Variants in NECAP1 observed in about 807,000 individuals in gnomAD.
NECAP1 encodes NECAP endocytosis associated 1.
NECAP1 carries 13 observed loss-of-function variants against 33.4 expected under a neutral mutation model. That is an observed-to-expected ratio of 0.39 (90% CI 0.25 to 0.62). The LOEUF (loss-of-function observed/expected upper bound fraction) is 0.62. NECAP1 is among the 20% of genes least tolerant of loss of function. NECAP1 has a pLI of 0.52. For missense variants in NECAP1, 272 were observed against 347.4 expected, an observed-to-expected ratio of 0.78 and a Z score of 1.73; for synonymous variants, 109 against 125.2, an observed-to-expected ratio of 0.87 and a Z score of 0.86.
At chr12:8,093,204 C>G (rs943437149) in intron 6 of NECAP1, 149 bp downstream of exon 6, 6 of 734,754 alleles carry the variant, frequency 8.2e-6, no homozygotes, top group African/African-American at 5.5e-5. Flanking sequence ...GGAATCAAAG[C>G]TTTTCTAGTG....
intron 3 of NECAP1, chr12:8,091,357 A>G (rs747845448): frequency 5.6e-6 from 1 of 177,746 alleles, no homozygotes; most frequent in South Asian, 1.1e-4. Flanking sequence ...TTATTATTAC[A>G]TTGTAATGTA....
Position 8,090,199 on chromosome 12 carries a change from G to C in NECAP1, c.201G>C (p.Glu67Asp), listed in dbSNP as rs778887604. 1 of 1,614,144 alleles carries C rather than the reference G, an allele frequency of 6.2e-7. No individual in the cohort carries two copies. The highest frequency in any genetic ancestry group is 8.5e-7 in the Non-Finnish European group (1 of 1,179,980). Residue 67 changes from glutamate (E) to aspartate (D), a missense_variant, in exon 3 of 8, where the codon GAG (glutamate) becomes GAC (aspartate). By Grantham distance (45) the Glu-to-Asp change is conservative. Coordinates refer to ENST00000339754, the MANE Select transcript of NECAP1 (RefSeq NM_015509.4). Reference sequence around the variant, plus strand: ...AGTCTTTCTCTTATCTGTCAGGGGAGCTCTTTGCTCAGGCACCAGTAGAAC... The same window carrying C: ...AGTCTTTCTCTTATCTGTCAGGGGACCTCTTTGCTCAGGCACCAGTAGAAC... ...YIKLEDKVSG[E>D]LFAQAPVEQY...
intron 1 of NECAP1, among the ~76,000 whole-genome samples, chr12:8,087,566 C>T (rs962385861): frequency 2.0e-5 from 3 of 148,380 alleles, no homozygotes; most frequent in African/African-American, 5.0e-5. Flanking sequence ...CCCTGTTGCT[C>T]AGGCTGGAGT....
intron 1 of NECAP1, 51 bp downstream of exon 1, chr12:8,082,434 G>A (rs1445753847): frequency 6.6e-7 from 1 of 1,520,440 alleles, no homozygotes; most frequent in Admixed American, 1.7e-5. Context: ...GCAGATGACA[G>A]CTTCCTTCTC....
chr12:8,094,332 T>C (rs1243617729), intron 6 of NECAP1, among the ~76,000 whole-genome samples: 1 of 152,228 alleles, frequency 6.6e-6, no homozygotes, highest in Non-Finnish European at 1.5e-5. Context: ...TGGTAATATT[T>C]TGTGGAACTA....
chr12:8,095,007 A>G (rs930965795), intron 6 of NECAP1, among the ~76,000 whole-genome samples: 1 of 152,172 alleles, frequency 6.6e-6, no homozygotes, highest in Non-Finnish European at 1.5e-5. Context: ...CCTTTGGGAC[A>G]GGCTTTTCCC....
chr12:8,090,352 A>T lies in NECAP1; in HGVS notation c.301+53A>T, dbSNP rs990455649. ...CGAAGTTAGGAAAACAGGTGAATGC[A>T]CAGCCATGAAAAGTGTTTCCGATTG... On this transcript the variant is annotated intron_variant, in intron 3 of 7. Coordinates refer to ENST00000339754, the MANE Select transcript of NECAP1 (RefSeq NM_015509.4). 4 of 1,450,162 alleles carry T rather than the reference A, an allele frequency of 2.8e-6. No homozygotes were observed. In the African/African-American group the frequency reaches 5.6e-5, roughly 20 times the overall value. The allele number at this position is 1,450,162 out of a possible 1,614,324, so 89.8% of individuals were successfully genotyped here. A position where few individuals can be genotyped will look rare whatever the true frequency, so the allele number is the denominator to read the frequency against.
rs149140958 is a variant in NECAP1, at chr12:8,085,208, C to T, written c.95+2825C>T. On this transcript the variant is annotated intron_variant, in intron 1 of 7. Transcript: ENST00000339754. ...CTAATTTTTGTATATTTAGTAGAGA[C>T]GGGGTTTCACTGTGTTGGCCAGGCT... 8.9e-3 allele frequency among the ~76,000 whole-genome samples: 1,359 copies of T among 152,170 alleles called. 21 individuals are homozygous for T. Among genetic ancestry groups the T allele is most frequent in the African/African-American group, 0.031 (1,284 of 41,518 alleles).
intron 1 of NECAP1, among the ~76,000 whole-genome samples, chr12:8,083,461 A>C (rs1334862926): frequency 1.1e-5 from 1 of 91,162 alleles, no homozygotes; most frequent in Non-Finnish European, 2.0e-5. Flanking sequence ...ATGTAGTCTC[A>C]CTTTGTTGCC....
Position 8,096,038 on chromosome 12 carries a change from G to A in NECAP1, c.780-4G>A. ...CTGGCTTTCTCTGTTCTCCTGTCTT[G>A]CAGCTCTGTTCCAAACCAGGCACCA... On this transcript the variant is annotated splice_region_variant and splice_polypyrimidine_tract_variant and intron_variant, in intron 7 of 7. Coordinates refer to ENST00000339754, the MANE Select transcript of NECAP1 (RefSeq NM_015509.4). 2 of 1,613,748 alleles carry A rather than the reference G, an allele frequency of 1.2e-6. No homozygotes were observed. Among genetic ancestry groups the A allele is most frequent in the Non-Finnish European group, 1.7e-6 (2 of 1,179,858 alleles).
rs753393772 is a variant in NECAP1, at chr12:8,095,790, A to G, written c.779+87A>G. 171 of 1,335,266 alleles carry G rather than the reference A, an allele frequency of 1.3e-4. 1 individual carries two copies. The highest frequency in any genetic ancestry group is 7.7e-4 in the South Asian group (65 of 84,728). The allele number at this position is 1,335,266 out of a possible 1,614,324, so 82.7% of individuals were successfully genotyped here. Reference sequence around the variant, plus strand: ...TTGAAATCTTTGATCTGGAGAAGCAATGGATATGCAGGTCACATAGAGTCT... The same window carrying G: ...TTGAAATCTTTGATCTGGAGAAGCAGTGGATATGCAGGTCACATAGAGTCT... On this transcript the variant is annotated intron_variant, in intron 7 of 7. Coordinates refer to ENST00000339754, the MANE Select transcript of NECAP1 (RefSeq NM_015509.4).
intron 1 of NECAP1, among the ~76,000 whole-genome samples, chr12:8,087,016 A>ATTT (rs1565643438): frequency 1.0e-4 from 10 of 97,924 alleles, no homozygotes; most frequent in South Asian, 3.1e-4. Context: ...TTTTTTTTTA[A>ATTT]AAAAAAATTC....
chr12:8,092,677 T>G lies in NECAP1; in HGVS notation c.385T>G (p.Trp129Gly). 1 of 1,609,398 alleles carries G rather than the reference T, an allele frequency of 6.2e-7. No homozygotes were observed. The highest frequency in any genetic ancestry group is 8.5e-7 in the Non-Finnish European group (1 of 1,176,610). Reference sequence around the variant, plus strand: ...AGATAACTTGCTGTGTTCCCAAAGGTGGGTAAAGCAGGAATCTGAGATTTC... The same window carrying G: ...AGATAACTTGCTGTGTTCCCAAAGGGGGGTAAAGCAGGAATCTGAGATTTC... ...FNVSLQDHFK[W>G]VKQESEISKE... Residue 129 changes from tryptophan to glycine, a missense_variant and splice_region_variant, in exon 5 of 8, where the codon TGG becomes GGG. Transcript: ENST00000339754.
chr12:8,092,984 C>G lies in NECAP1; in HGVS notation c.605C>G (p.Ser202Cys). 1 of 1,613,864 alleles carries G rather than the reference C, an allele frequency of 6.2e-7. No homozygotes were observed. The highest frequency in any genetic ancestry group is 8.5e-7 in the Non-Finnish European group (1 of 1,179,874). ...GGKVTIPPPS[S>C]SVAISNHVTP... ...AAAGTCACTATTCCCCCACCATCCT[C>G]CTCAGTTGCCATCAGCAATCATGTC... The change falls in exon 6 of 8, where the codon TCC becomes TGC. Residue 202 changes from serine (S) to cysteine (C), a missense_variant. Coordinates refer to ENST00000339754, the MANE Select transcript of NECAP1 (RefSeq NM_015509.4).
chr12:8,096,355 C>T lies in NECAP1; in HGVS notation c.*265C>T. ...CTTATCATAGTTTTGGCTGACTATG[C>T]AGGGCTTAAAAGGCCAGCGTCTGTT... is the stretch of plus-strand genomic sequence containing the variant. On this transcript the variant is annotated 3_prime_UTR_variant, in exon 8 of 8. Coordinates refer to ENST00000339754, the MANE Select transcript of NECAP1 (RefSeq NM_015509.4). The T allele has an allele frequency of 2.6e-6, 1 of 390,156 alleles. No individual in the cohort carries two copies. The highest frequency in any genetic ancestry group is 4.6e-6 in the Non-Finnish European group (1 of 215,488). 24.2% of individuals were successfully genotyped at this position (390,156 alleles called of 1,614,324 possible). A position where few individuals can be genotyped will look rare whatever the true frequency, so the allele number is the denominator to read the frequency against.
chr12:8,083,151 C>CTGCTTCAGCTTCCTG (rs1947456998), intron 1 of NECAP1, among the ~76,000 whole-genome samples: 1 of 152,056 alleles, frequency 6.6e-6, no homozygotes. Context: ...CCTTGTAATC[C>CTGCTTCAGCTTCCTG]AATGACTGTG....
At chr12:8,093,156 C>A in intron 6 of NECAP1, 101 bp downstream of exon 6, 1 of 1,185,436 alleles carries the variant, frequency 8.4e-7, no homozygotes. Flanking sequence ...TGAAATAGCT[C>A]ATGGTACTGA....
rs554942626 is a variant in NECAP1 at position 8,085,686 on chromosome 12, C to CTTTTTTTTTTTTTTTTTTT, written c.95+3314_95+3332dup. 4.8e-5 allele frequency among the ~76,000 whole-genome samples: 5 copies of CTTTTTTTTTTTTTTTTTTT among 104,812 alleles called. 1 individual carries two copies. Among genetic ancestry groups the CTTTTTTTTTTTTTTTTTTT allele is most frequent in the Non-Finnish European group, 5.3e-5 (3 of 57,056 alleles). 68.8% of individuals were successfully genotyped at this position (104,812 alleles called of 152,430 possible). ...TTGTAGGATCCTCTCACTTAATCTT[C>CTTTTTTTTTTTTTTTTTTT]TTTTTTTTTTTTTTTTTTTTTTTTT... On this transcript the variant is annotated intron_variant, in intron 1 of 7. Coordinates refer to ENST00000339754, the MANE Select transcript of NECAP1 (RefSeq NM_015509.4).
At chr12:8,082,907 G>C (rs1434759495) in intron 1 of NECAP1, 1 of 152,622 alleles carries the variant, frequency 6.6e-6, no homozygotes. Flanking sequence ...TGTCAATTTC[G>C]TCACCAACTG....
Sources: gnomAD v4.1 joint callset for allele counts (sites outside exome capture counted in the v4.1 genomes callset) on GRCh38, gnomAD v4.1.1 for gene constraint, MANE v1.5 for transcripts, NCBI Gene and HGNC (gene_info 2026-07-23, HGNC 2026-07-21) for gene names.